The following FOXP1 variants were observed in gnomAD, a reference collection of about 807,000 sequenced individuals.
FOXP1 encodes the protein forkhead box P1.
FOXP1 carries 15 observed loss-of-function variants against 98.2 expected under a neutral mutation model. The ratio of observed to expected loss-of-function variants is 0.15; its 90% CI spans 0.10 to 0.24. The LOEUF is 0.24. FOXP1 is among the 10% of genes least tolerant of loss of function. FOXP1 has a pLI of 1.00. For synonymous variants in FOXP1, 371 were observed against 314.5 expected (o/e 1.18, Z -1.90); for missense variants, 633 against 848.5 (o/e 0.75, Z 3.15).
At chr3:71,262,958 G>T (rs973572496) in intron 5 of FOXP1, among the ~76,000 whole-genome samples, 1 of 152,162 alleles carries the variant, frequency 6.6e-6, no homozygotes, top group Admixed American at 6.5e-5. Context: ...TTGGCAAAAC[G>T]GCTAGCCCTT....
intron 3 of FOXP1, among the ~76,000 whole-genome samples, chr3:71,412,924 T>C (rs1402644901): frequency 6.6e-6 from 1 of 152,180 alleles, no homozygotes; most frequent in Admixed American, 6.5e-5. Context: ...GGAGAATTAA[T>C]GTGCCGCCTG....
In FOXP1 at chr3:70,959,186, A is replaced by G. The variant is rs2032572226; in HGVS notation, c.*61T>C. On this transcript the variant is annotated 3_prime_UTR_variant, in exon 21 of 21. Transcript: ENST00000649528. ...AGAACAATTTCACTGCTAACTTTTG[A>G]CGTGTTTTTTTTTTTTTCCTTTTTC... The G allele has an allele frequency of 1.3e-6, 2 of 1,503,640 alleles. No homozygotes were observed. Among genetic ancestry groups the G allele is most frequent in the South Asian group, 2.3e-5 (2 of 87,932 alleles). The allele number at this position is 1,503,640 out of a possible 1,614,324, so 93.1% of individuals were successfully genotyped here.
intron 2 of FOXP1, among the ~76,000 whole-genome samples, chr3:71,531,839 G>C (rs141132605): frequency 6.0e-4 from 91 of 152,276 alleles, no homozygotes; most frequent in African/African-American, 2.1e-3. Flanking sequence ...CCAAGATTTT[G>C]TATCTTCCTA....
At chr3:71,178,799 G>T (rs1015959044) in intron 6 of FOXP1, among the ~76,000 whole-genome samples, 2 of 151,828 alleles carry the variant, frequency 1.3e-5, no homozygotes, top group Non-Finnish European at 2.9e-5. Flanking sequence ...CAGGAGAATG[G>T]CAGGAACCTG....
At chr3:70,974,917 T>C (rs2037172003) in intron 17 of FOXP1, among the ~76,000 whole-genome samples, 1 of 152,160 alleles carries the variant, frequency 6.6e-6, no homozygotes, top group South Asian at 2.1e-4. Flanking sequence ...TTCAGTTCTG[T>C]TTTCCAAAAC....
At chr3:71,376,639 G>C (rs370405582) in intron 3 of FOXP1, among the ~76,000 whole-genome samples, 1 of 152,326 alleles carries the variant, frequency 6.6e-6, no homozygotes. Context: ...TGCCCCAAAA[G>C]GGGGCTCACG....
chr3:70,974,055 G>A (rs754145305), intron 17 of FOXP1, among the ~76,000 whole-genome samples: 7 of 152,162 alleles, frequency 4.6e-5, no homozygotes, highest in Non-Finnish European at 1.0e-4. Flanking sequence ...TGCATGGTGT[G>A]ATGAATTGCT....
intron 7 of FOXP1, among the ~76,000 whole-genome samples, chr3:71,056,504 A>G (rs2050666321): frequency 6.6e-6 from 1 of 152,182 alleles, no homozygotes; most frequent in Non-Finnish European, 1.5e-5. Context: ...AATATGCTTT[A>G]CAGCAGCAGG....
chr3:71,542,131 A>C (rs2044888181), intron 2 of FOXP1: 2 of 456,194 alleles, frequency 4.4e-6, no homozygotes, highest in African/African-American at 2.1e-5. Flanking sequence ...ATAATTTACA[A>C]AATGGCTCAA....
chr3:71,164,005 G>A (rs2061277766), intron 6 of FOXP1, among the ~76,000 whole-genome samples: 1 of 152,134 alleles, frequency 6.6e-6, no homozygotes, highest in South Asian at 2.1e-4. Context: ...GGCAGAACAT[G>A]AGTCTGTCTG....
intron 2 of FOXP1, among the ~76,000 whole-genome samples, chr3:71,508,507 C>T (rs567787222): frequency 6.6e-6 from 1 of 152,276 alleles, no homozygotes; most frequent in East Asian, 1.9e-4. Flanking sequence ...GGGGAAGCTG[C>T]TCAGGCCTCT....
At chr3:71,322,462 T>C (rs1377426509) in intron 4 of FOXP1, among the ~76,000 whole-genome samples, 4 of 152,216 alleles carry the variant, frequency 2.6e-5, no homozygotes, top group Non-Finnish European at 5.9e-5. Context: ...AAGTACAGTG[T>C]GTAGGTACAT....
At position 71,047,041 on chromosome 3, in the gene FOXP1, G is replaced by C. The variant is rs1435583545; in HGVS notation, c.565C>G (p.Gln189Glu). 1 of 1,614,074 alleles carries C rather than the reference G, an allele frequency of 6.2e-7. No homozygotes were observed. The highest frequency in any genetic ancestry group is 1.7e-5 in the Admixed American group (1 of 60,030). Reference protein sequence around the residue: ...LAFQQQLLQMQQLQQQHLLSL... With the variant: ...LAFQQQLLQMEQLQQQHLLSL... Reference sequence around the variant, plus strand: ...AGGAGGTGCTGCTGCTGTAACTGCTGCATCTGTAAAAGCTGCTGCTGAAAA... The same window carrying C: ...AGGAGGTGCTGCTGCTGTAACTGCTCCATCTGTAAAAGCTGCTGCTGAAAA... The change falls in exon 10 of 21, where the codon CAG (glutamine) becomes GAG (glutamate). Residue 189 changes from glutamine to glutamate, a missense_variant. Physicochemically the swap from Gln to Glu is conservative, Grantham distance 29. This residue lies in a region of FOXP1 where 210 missense variants were observed against 270.6 expected (regional missense o/e 0.78). Coordinates refer to ENST00000649528, the MANE Select transcript of FOXP1 (RefSeq NM_001349338.3).
intron 10 of FOXP1, among the ~76,000 whole-genome samples, chr3:71,045,884 T>TG (rs1457561286): frequency 1.3e-5 from 2 of 152,206 alleles, no homozygotes; most frequent in Non-Finnish European, 2.9e-5. Flanking sequence ...AGAAGGCAAC[T>TG]GAATCCAAGA....
chr3:71,396,997 C>CAA (rs2081483327), intron 3 of FOXP1, among the ~76,000 whole-genome samples: 1 of 40,644 alleles, frequency 2.5e-5, no homozygotes, highest in African/African-American at 1.2e-4. Context: ...TATATATACA[C>CAA]ATATATATGT....
chr3:71,362,681 G>T (rs1019453792), intron 3 of FOXP1, among the ~76,000 whole-genome samples: 32 of 152,206 alleles, frequency 2.1e-4, no homozygotes, highest in African/African-American at 7.2e-4. Context: ...TGCTGCCCAG[G>T]CTGGTCTGAA....
intron 5 of FOXP1, among the ~76,000 whole-genome samples, chr3:71,218,962 C>T (rs1475563168): frequency 1.3e-5 from 2 of 152,190 alleles, no homozygotes; most frequent in African/African-American, 4.8e-5. Flanking sequence ...CCTAAAAGAG[C>T]CACAAATTTT....
At chr3:71,478,681 A>T (rs1048856998) in intron 3 of FOXP1, among the ~76,000 whole-genome samples, 7 of 152,214 alleles carry the variant, frequency 4.6e-5, no homozygotes, top group African/African-American at 1.7e-4. Context: ...GAACCTTCCA[A>T]CTGCAAGTTA....
intron 3 of FOXP1, among the ~76,000 whole-genome samples, chr3:71,455,172 T>C (rs1033472824): frequency 1.3e-5 from 2 of 152,090 alleles, no homozygotes; most frequent in African/African-American, 2.4e-5. Flanking sequence ...ATGCTTTCAG[T>C]GCTAAACTCT....
Sources: allele counts gnomAD v4.1 joint callset (sites outside exome capture counted in the v4.1 genomes callset), GRCh38; gene constraint gnomAD v4.1.1; regional missense constraint gnomAD v4.1.1; transcripts MANE v1.5; gene names NCBI Gene and HGNC (gene_info 2026-07-23, HGNC 2026-07-21).